Variants in DNAI3 observed in about 807,000 individuals in gnomAD.
DNAI3 encodes the protein WD repeat domain 63.
A neutral mutation model predicts 115.5 loss-of-function variants in DNAI3; 83 were observed. The ratio of observed to expected loss-of-function variants is 0.72; its 90% confidence interval spans 0.60 to 0.86. The LOEUF is 0.86. Among genes scored for constraint, DNAI3 ranks in the 40% least tolerant of loss-of-function variants. The pLI, the probability that DNAI3 is intolerant of heterozygous loss-of-function variation, is 0.00. For missense variants in DNAI3, 1,004 were observed against 1,075.8 expected, an observed-to-expected ratio of 0.93 and a Z score of 0.93; for synonymous variants, 320 against 347.0, an observed-to-expected ratio of 0.92 and a Z score of 0.86.
intron 7 of DNAI3, among the ~76,000 whole-genome samples, chr1:85,087,836 A>G (rs1335903783): frequency 6.6e-6 from 1 of 152,218 alleles, no homozygotes; most frequent in Non-Finnish European, 1.5e-5. Flanking sequence ...GCTCAGCACC[A>G]TGGAATGCAA....
chr1:85,100,321 C>G (rs1232538593), intron 13 of DNAI3, among the ~76,000 whole-genome samples: 2 of 152,292 alleles, frequency 1.3e-5, no homozygotes, highest in African/African-American at 2.4e-5. Context: ...AGGATATGAA[C>G]AGACACTTCT....
chr1:85,073,223 A>G (rs1178952751), intron 3 of DNAI3, 131 bp downstream of exon 3: 5 of 572,230 alleles, frequency 8.7e-6, no homozygotes, highest in Non-Finnish European at 1.4e-5. Flanking sequence ...ATACCATTCC[A>G]TTTAGAATAT....
chr1:85,075,043 T>G (rs1415453933), intron 3 of DNAI3, among the ~76,000 whole-genome samples: 1 of 152,184 alleles, frequency 6.6e-6, no homozygotes, highest in Non-Finnish European at 1.5e-5. Flanking sequence ...TATTTACTTA[T>G]TTTTGTTTTT....
intron 17 of DNAI3, among the ~76,000 whole-genome samples, chr1:85,120,886 C>T (rs1655976362): frequency 1.3e-5 from 2 of 152,278 alleles, no homozygotes; most frequent in East Asian, 1.9e-4. Flanking sequence ...GTGACCTTGT[C>T]CCCAGTGAGT....
intron 13 of DNAI3, among the ~76,000 whole-genome samples, chr1:85,101,301 A>G (rs1655301836): frequency 6.6e-6 from 1 of 152,188 alleles, no homozygotes; most frequent in Non-Finnish European, 1.5e-5. Flanking sequence ...GCCCACGTAT[A>G]GTTTCTGTGA....
chr1:85,125,762 G>A (rs1029286590), intron 19 of DNAI3, among the ~76,000 whole-genome samples: 1 of 152,150 alleles, frequency 6.6e-6, no homozygotes, highest in Non-Finnish European at 1.5e-5. Flanking sequence ...TATATTGGAG[G>A]GTGGGAGACA....
Position 85,117,814 on chromosome 1 carries a change from C to G in DNAI3, c.1872C>G (p.Leu624=), listed in dbSNP as rs779930035. ...HNLESGMANL[L]KPIDDFCTKF... ...TGGAAAGTGGGATGGCCAATCTTCT[C>G]AAGCCAATAGATGACTTCTGCACAA... Residue 624 remains leucine, a synonymous_variant, in exon 17 of 23, where the codon CTC becomes CTG. Coordinates refer to ENST00000294664, the MANE Select transcript of DNAI3 (RefSeq NM_145172.5). 4 of 1,613,624 alleles carry G rather than the reference C, an allele frequency of 2.5e-6. No homozygotes were observed. The East Asian group carries it at 8.9e-5, about 36-fold the overall frequency.
In DNAI3 at chr1:85,092,827, A is replaced by ACG. The variant is rs1178827059; in HGVS notation, c.858-630_858-629insGC. 3.4e-3 allele frequency among the ~76,000 whole-genome samples: 503 copies of ACG among 149,824 alleles called. 11 individuals are homozygous for ACG. Among genetic ancestry groups the ACG allele is most frequent in the Non-Finnish European group, 4.3e-3 (287 of 67,044 alleles). On this transcript the variant is annotated intron_variant, in intron 8 of 22. Coordinates refer to ENST00000294664, the MANE Select transcript of DNAI3 (RefSeq NM_145172.5). ...CACACACACACACACACACACACAC[A>ACG]CACACACACTTCTAAACTCCAATTC...
chr1:85,110,015 G>A, intron 15 of DNAI3, 33 bp from the exon 16 acceptor site: 1 of 1,588,572 alleles, frequency 6.3e-7, no homozygotes, highest in Non-Finnish European at 8.6e-7. Context: ...CAGGATATGT[G>A]GAAATAATCT....
At chr1:85,097,702 G>A in intron 12 of DNAI3, 47 bp downstream of exon 12, 1 of 1,528,956 alleles carries the variant, frequency 6.5e-7, no homozygotes, top group Non-Finnish European at 8.9e-7. Flanking sequence ...CCATTGAAGA[G>A]TTTATGGAAA....
intron 13 of DNAI3, among the ~76,000 whole-genome samples, chr1:85,100,103 A>G (rs1010157659): frequency 7.3e-5 from 5 of 68,598 alleles, no homozygotes; most frequent in African/African-American, 2.0e-4. Flanking sequence ...AATGGCAACA[A>G]AAGCCAAAAT....
intron 3 of DNAI3, among the ~76,000 whole-genome samples, chr1:85,077,661 T>C (rs144566692): frequency 6.6e-6 from 1 of 152,192 alleles, no homozygotes; most frequent in Non-Finnish European, 1.5e-5. Context: ...AGTGGTTACT[T>C]GGGGTTACTT....
At chr1:85,096,153 C>A in intron 11 of DNAI3, 133 bp downstream of exon 11, 2 of 755,794 alleles carry the variant, frequency 2.6e-6, no homozygotes, top group Admixed American at 2.2e-5. Flanking sequence ...TGCCAGACAC[C>A]ACACCAGGAA....
chr1:85,097,996 ACC>A (rs1655175172), intron 12 of DNAI3, among the ~76,000 whole-genome samples: 2 of 152,198 alleles, frequency 1.3e-5, no homozygotes, highest in Admixed American at 1.3e-4. Flanking sequence ...CAGGCTGTGG[ACC>A]GTAGTCCTGT....
chr1:85,132,818 G>A (rs1571208644), intron 22 of DNAI3, 37 bp from the exon 23 acceptor site: 1 of 1,575,122 alleles, frequency 6.3e-7, no homozygotes. Flanking sequence ...AGATATCAGT[G>A]TTTTATAGGG....
chr1:85,098,636 A>C lies in DNAI3; in HGVS notation c.1457A>C (p.His486Pro), dbSNP rs1307495931. 1.9e-6 allele frequency: 3 copies of C among 1,613,244 alleles called. No homozygotes were observed. The highest frequency in any genetic ancestry group is 1.7e-5 in the Admixed American group (1 of 59,950). The change falls in exon 13 of 23, where the codon CAC becomes CCC. Residue 486 changes from histidine (H) to proline (P), a missense_variant. By Grantham distance (77) the His-to-Pro change is moderately conservative. Transcript: ENST00000294664. The part of the protein sequence containing the change: ...NGHKKVITDI[H>P]WLSDTFEINR... ...CATAAGAAAGTAATTACAGATATACACTGGTTGTCTGACACATTTGAGGTG... is the reference window on the plus strand; with the variant it reads ...CATAAGAAAGTAATTACAGATATACCCTGGTTGTCTGACACATTTGAGGTG...
At chr1:85,117,534 T>C (rs1655867826) in intron 16 of DNAI3, among the ~76,000 whole-genome samples, 195 bp from the exon 17 acceptor site, 2 of 152,216 alleles carry the variant, frequency 1.3e-5, no homozygotes, top group African/African-American at 4.8e-5. Context: ...AGCACAGTCA[T>C]TGATGTTTGG....
intron 1 of DNAI3, among the ~76,000 whole-genome samples, chr1:85,068,744 C>T (rs534483204): frequency 2.6e-5 from 4 of 152,304 alleles, no homozygotes; most frequent in Non-Finnish European, 4.4e-5. Context: ...CACTACCTCC[C>T]GTACCTGTAA....
At chr1:85,106,896 C>A (rs1182367644) in intron 14 of DNAI3, among the ~76,000 whole-genome samples, 1 of 152,148 alleles carries the variant, frequency 6.6e-6, no homozygotes, top group Non-Finnish European at 1.5e-5. Flanking sequence ...GAATAATGAC[C>A]TAAATGTAAG....
Sources: allele counts gnomAD v4.1 joint callset (sites outside exome capture counted in the v4.1 genomes callset), GRCh38; gene constraint gnomAD v4.1.1; transcripts MANE v1.5; gene names NCBI Gene and HGNC (gene_info 2026-07-23, HGNC 2026-07-21).